NAV2: variants seen among roughly 807,000 people sequenced by gnomAD.
NAV2 encodes neuron navigator 2.
A neutral mutation model predicts 223.2 loss-of-function variants in NAV2; 54 were observed. The observed-to-expected ratio is 0.24, with a 90% CI of 0.19 to 0.30. NAV2 has a LOEUF of 0.30. Ranked by LOEUF, NAV2 falls within the 10% of genes least tolerant of loss-of-function variation. NAV2 has a pLI of 1.00. For missense variants in NAV2, 2,806 were observed against 3,147.5 expected, an observed-to-expected ratio of 0.89 and a Z score of 2.60; for synonymous variants, 1,279 against 1,239.3, an observed-to-expected ratio of 1.03 and a Z score of -0.67.
chr11:20,037,630 C>G (rs2056517143), intron 12 of NAV2, among the ~76,000 whole-genome samples: 1 of 152,184 alleles, frequency 6.6e-6, no homozygotes, highest in Non-Finnish European at 1.5e-5. Flanking sequence ...GTATGTTAAT[C>G]TGAGCAGTGG....
chr11:19,888,823 C>G (rs910569383), intron 5 of NAV2, among the ~76,000 whole-genome samples: 2 of 152,196 alleles, frequency 1.3e-5, no homozygotes, highest in Non-Finnish European at 2.9e-5. Context: ...CATTCCCATT[C>G]AGCGTGCCAG....
chr11:19,448,255 G>A (rs1851661241), intron 1 of NAV2, among the ~76,000 whole-genome samples: 1 of 152,098 alleles, frequency 6.6e-6, no homozygotes, highest in Admixed American at 6.5e-5. Flanking sequence ...GGAGGTGTGG[G>A]CAGGCAGGCT....
chr11:19,627,519 A>G (rs1264368920), intron 1 of NAV2, among the ~76,000 whole-genome samples: 1 of 152,252 alleles, frequency 6.6e-6, no homozygotes, highest in East Asian at 1.9e-4. Flanking sequence ...AGAAGCTGCA[A>G]TTTTGACCTC....
At chr11:19,841,700 G>A (rs2707082) in intron 2 of NAV2, among the ~76,000 whole-genome samples, 50 of 152,310 alleles carry the variant, frequency 3.3e-4, no homozygotes, top group African/African-American at 1.0e-3. Flanking sequence ...TGGGATTGCA[G>A]AGGGAGCATA....
Position 20,044,070 on chromosome 11 carries a change from C to T in NAV2, c.2997C>T (p.Gly999=), listed in dbSNP as rs371485778. 5 of 1,614,202 alleles carry T rather than the reference C, an allele frequency of 3.1e-6. No individual in the cohort carries two copies. Among genetic ancestry groups the T allele is most frequent in the Non-Finnish European group, 3.4e-6 (4 of 1,180,026 alleles). The change falls in exon 13 of 38, where the codon GGC becomes GGT. Residue 999 remains glycine, a synonymous_variant. Transcript: ENST00000349880. ...AATCAGACGGAGGCTCAGACAGCGG[C>T]ATAAAAATGGAGCCAGGTTCCAAGT... ...VKKSDGGSDS[G]IKMEPGSKWR...
intron 1 of NAV2, among the ~76,000 whole-genome samples, chr11:19,618,244 TGCTGGCTG>T (rs1193665694): frequency 7.3e-6 from 1 of 137,926 alleles, no homozygotes; most frequent in African/African-American, 2.8e-5. Flanking sequence ...ATGGATGGAT[TGCTGGCTG>T]GCTGGCTGGG....
At chr11:19,354,800 C>A (rs1441169466) in intron 1 of NAV2, among the ~76,000 whole-genome samples, 3 of 152,182 alleles carry the variant, frequency 2.0e-5, no homozygotes, top group South Asian at 2.1e-4. Context: ...TGAGCAGAGA[C>A]CTTAGCGGCT....
rs1431583797 is a variant in NAV2, at chr11:19,416,242, C to T, written c.75+65215C>T. ...TCCTTAAGCTGATAAGCAACTTCAG[C>T]AAAGTCTCAGGATACAAAATCAATG... is the stretch of plus-strand genomic sequence containing the variant. On this transcript the variant is annotated intron_variant, in intron 1 of 37. Coordinates refer to the NAV2 transcript ENST00000360655. Among the ~76,000 whole-genome samples the T allele has an allele frequency of 2.0e-5, 3 of 152,300 alleles. No homozygotes were observed. In the South Asian group the frequency reaches 6.2e-4, roughly 32 times the overall value.
intron 1 of NAV2, among the ~76,000 whole-genome samples, chr11:19,614,567 T>C (rs1373545342): frequency 6.6e-6 from 1 of 152,164 alleles, no homozygotes; most frequent in Non-Finnish European, 1.5e-5. Flanking sequence ...TTACACTCAA[T>C]GAACCTACAT....
At chr11:20,075,841 G>C (rs964532970) in intron 22 of NAV2, among the ~76,000 whole-genome samples, 1 of 138,712 alleles carries the variant, frequency 7.2e-6, no homozygotes, top group African/African-American at 2.8e-5. Flanking sequence ...TCCTCCTCTC[G>C]AATTTCACAG....
intron 1 of NAV2, among the ~76,000 whole-genome samples, chr11:19,631,674 G>A (rs998675546): frequency 6.6e-6 from 1 of 152,204 alleles, no homozygotes; most frequent in South Asian, 2.1e-4. Context: ...ATTCAAAGCT[G>A]ATGAAAGCAA....
At chr11:19,521,969 T>C (rs2043671719) in intron 1 of NAV2, among the ~76,000 whole-genome samples, 4 of 152,204 alleles carry the variant, frequency 2.6e-5, no homozygotes. Flanking sequence ...TTTTAGAGTT[T>C]AGGCAGATGG....
rs2042762327 is a variant in NAV2, at chr11:19,495,419, CAG to C, written c.75+144399_75+144400del. Among the ~76,000 whole-genome samples the C allele has an allele frequency of 2.6e-5, 4 of 152,276 alleles. No homozygotes were observed. The South Asian group carries it at 8.3e-4, about 32-fold the overall frequency. ...AGAGGGAAGCAAACCTGGCTGTGAG[CAG>C]AGAGAGCCCTCAATTAAGCCTGGTA... On this transcript the variant is annotated intron_variant, in intron 1 of 37. Transcript: ENST00000360655.
intron 1 of NAV2, among the ~76,000 whole-genome samples, chr11:19,596,244 CTA>C (rs1178026934): frequency 6.6e-6 from 1 of 152,180 alleles, no homozygotes; most frequent in Non-Finnish European, 1.5e-5. Flanking sequence ...AAACCAGAGC[CTA>C]TGAGCTGCTA....
intron 1 of NAV2, among the ~76,000 whole-genome samples, chr11:19,532,992 A>C (rs2044074337): frequency 6.6e-6 from 1 of 152,248 alleles, no homozygotes; most frequent in Admixed American, 6.5e-5. Flanking sequence ...GTCAAGGACC[A>C]GTGTCCACAC....
chr11:19,734,358 C>G (rs932274260), intron 1 of NAV2, among the ~76,000 whole-genome samples: 2 of 152,162 alleles, frequency 1.3e-5, no homozygotes, highest in African/African-American at 4.8e-5. Context: ...TGAGTGAGGT[C>G]ATCAGCTTCA....
intron 1 of NAV2, among the ~76,000 whole-genome samples, chr11:19,635,717 T>C (rs2047478615): frequency 6.6e-6 from 1 of 152,212 alleles, no homozygotes; most frequent in Non-Finnish European, 1.5e-5. Context: ...AGAACTCACC[T>C]ACTTCTTTTG....
intron 8 of NAV2, among the ~76,000 whole-genome samples, chr11:19,945,165 C>T (rs1212303165): frequency 5.7e-4 from 25 of 43,918 alleles, no homozygotes; most frequent in African/African-American, 2.7e-3. Flanking sequence ...CCCTTCCCTT[C>T]CCTTCCCTTC....
chr11:20,025,207 T>C (rs2054927454), intron 11 of NAV2, among the ~76,000 whole-genome samples: 1 of 152,208 alleles, frequency 6.6e-6, no homozygotes, highest in Non-Finnish European at 1.5e-5. Context: ...AGTTTGTGCC[T>C]GATAAGAAAG....
Sources: gnomAD v4.1 joint callset for allele counts (sites outside exome capture counted in the v4.1 genomes callset) on GRCh38, gnomAD v4.1.1 for gene constraint, MANE v1.5 for transcripts, NCBI Gene and HGNC (gene_info 2026-07-23, HGNC 2026-07-21) for gene names.